The following ARL13B variants were observed in gnomAD, a reference collection of about 807,000 sequenced individuals.
ARL13B encodes the protein ARF like GTPase 13B.
Under a neutral mutation model 56.1 loss-of-function variants are expected in ARL13B, and 36 were observed. The ratio of observed to expected loss-of-function variants is 0.64; its 90% confidence interval spans 0.49 to 0.85. ARL13B has a LOEUF of 0.85. ARL13B is among the 40% of genes least tolerant of loss of function. The pLI, the probability that ARL13B is intolerant of heterozygous loss-of-function variation, is 0.00. For synonymous variants in ARL13B, 178 were observed against 171.1 expected, an observed-to-expected ratio of 1.04 and a Z score of -0.32; for missense variants, 519 against 507.1, an observed-to-expected ratio of 1.02 and a Z score of -0.23.
intron 4 of ARL13B, among the ~76,000 whole-genome samples, chr3:94,036,260 G>A (rs973238431): frequency 2.0e-5 from 3 of 152,070 alleles, no homozygotes; most frequent in African/African-American, 7.2e-5. Flanking sequence ...AATCAATAGA[G>A]ATGTCTTTTT....
In ARL13B at chr3:93,980,476, C is replaced by T; in HGVS notation, c.53C>T (p.Pro18Leu). ...CCGWFKRWRE[P>L]VRKVTLLMVG... Reference sequence around the variant, plus strand: ...GGCTGGTTCAAGCGGTGGCGGGAGCCTGTCAGGTAGGCTGGAGCCAGCTGT... The same window carrying T: ...GGCTGGTTCAAGCGGTGGCGGGAGCTTGTCAGGTAGGCTGGAGCCAGCTGT... Residue 18 changes from proline to leucine, a missense_variant, in exon 1 of 10, where the codon CCT becomes CTT. Transcript: ENST00000394222. The T allele has an allele frequency of 6.2e-7, 1 of 1,611,352 alleles. No homozygotes were observed.
intron 3 of ARL13B, among the ~76,000 whole-genome samples, chr3:94,031,621 AT>A (rs2076678108): frequency 6.6e-6 from 1 of 152,160 alleles, no homozygotes. Context: ...CATCAAATAC[AT>A]TTTTAAATCC....
intron 3 of ARL13B, among the ~76,000 whole-genome samples, chr3:94,022,204 A>G (rs559877309): frequency 6.6e-6 from 1 of 151,782 alleles, no homozygotes; most frequent in South Asian, 2.1e-4. Context: ...GTTCACTGCA[A>G]CCTCCTCCTC....
At position 94,005,840 on chromosome 3, in the gene ARL13B, G is replaced by GT. The variant is rs910023099; in HGVS notation, c.380+1938dup. 2.0e-5 allele frequency among the ~76,000 whole-genome samples: 3 copies of GT among 152,024 alleles called. No homozygotes were observed. In the East Asian group the frequency reaches 5.8e-4, roughly 29 times the overall value. ...GTAAATTTCAAAGATAGAGGGAAAG[G>GT]TTTTTTGTATATTTTTTTTGATATT... On this transcript the variant is annotated intron_variant, in intron 3 of 9. Coordinates refer to ENST00000394222, the MANE Select transcript of ARL13B (RefSeq NM_001174150.2).
intron 3 of ARL13B, among the ~76,000 whole-genome samples, chr3:94,017,032 A>T (rs756524943): frequency 6.6e-6 from 1 of 152,022 alleles, no homozygotes; most frequent in Non-Finnish European, 1.5e-5. Flanking sequence ...AACTCTGCCA[A>T]CTCTATGCTA....
rs2076831198 is a variant in ARL13B at position 94,039,797 on chromosome 3, A to AACT, written c.690-83_690-82insACT. 4 of 1,123,170 alleles carry AACT rather than the reference A, an allele frequency of 3.6e-6. No homozygotes were observed. The Admixed American group carries it at 8.1e-5, about 23-fold the overall frequency. 69.6% of individuals were successfully genotyped at this position (1,123,170 alleles called of 1,614,324 possible). ...AGATGTTTAAATTACTACATGTAAT[A>AACT]GCCTTATACCTATTGCAGTTTTCTT... On this transcript the variant is annotated intron_variant, in intron 5 of 9. Transcript: ENST00000394222.
intron 8 of ARL13B, 120 bp from the exon 9 acceptor site, chr3:94,050,704 C>G: frequency 1.2e-6 from 1 of 805,376 alleles, no homozygotes; most frequent in South Asian, 1.6e-5. Flanking sequence ...TACTGTCATT[C>G]AATATATTTG....
chr3:94,004,339 C>T (rs963638758), intron 3 of ARL13B, among the ~76,000 whole-genome samples: 7 of 152,032 alleles, frequency 4.6e-5, no homozygotes, highest in Non-Finnish European at 8.8e-5. Flanking sequence ...ATTGATTTCT[C>T]AGTTTTCACA....
chr3:93,984,442 C>T (rs139370481), intron 1 of ARL13B, among the ~76,000 whole-genome samples: 4 of 151,948 alleles, frequency 2.6e-5, no homozygotes, highest in South Asian at 4.2e-4. Context: ...CCATCCTCAT[C>T]TTCTTCCCAT....
intron 8 of ARL13B, among the ~76,000 whole-genome samples, 164 bp downstream of exon 8, chr3:94,049,686 C>A (rs1002884939): frequency 2.0e-5 from 3 of 151,522 alleles, no homozygotes; most frequent in African/African-American, 7.3e-5. Context: ...TTTGCTAACA[C>A]AAATGTCCAT....
chr3:94,030,647 A>G (rs1214019601), intron 3 of ARL13B, among the ~76,000 whole-genome samples: 3 of 152,164 alleles, frequency 2.0e-5, no homozygotes, highest in East Asian at 1.9e-4. Context: ...GCAAAACCAC[A>G]CAGAGAAGTA....
At chr3:93,980,628 G>A in intron 1 of ARL13B, 146 bp downstream of exon 1, 1 of 958,368 alleles carries the variant, frequency 1.0e-6, no homozygotes, top group Non-Finnish European at 1.6e-6. Context: ...CCGGGAGGGA[G>A]AGATTGGAGG....
intron 3 of ARL13B, chr3:94,014,755 A>G (rs1196749981): frequency 2.5e-6 from 4 of 1,613,404 alleles, no homozygotes; most frequent in Non-Finnish European, 3.4e-6. Context: ...TTTTCCAGCA[A>G]CTTCAAGCTG....
At position 94,030,287 on chromosome 3, in the gene ARL13B, C is replaced by T. The variant is rs188839466; in HGVS notation, c.381-5044C>T. Among the ~76,000 whole-genome samples, 98 of 151,978 alleles carry T rather than the reference C, an allele frequency of 6.4e-4. 3 individuals carry two copies. The East Asian group carries it at 0.016, about 24-fold the overall frequency. ...TGTCACCCAGCCTGGAGTGCAGTGG[C>T]GCGATCTCGGCTCACTGCAACCTCT... On this transcript the variant is annotated intron_variant, in intron 3 of 9. Coordinates refer to ENST00000394222, the MANE Select transcript of ARL13B (RefSeq NM_001174150.2).
Position 94,055,056 on chromosome 3 carries a change from T to C in ARL13B, c.*1793T>C, listed in dbSNP as rs991523971. 5.6e-6 allele frequency: 2 copies of C among 357,374 alleles called. No homozygotes were observed. Among genetic ancestry groups the C allele is most frequent in the Non-Finnish European group, 5.4e-6 (1 of 186,190 alleles). 22.1% of individuals were successfully genotyped at this position (357,374 alleles called of 1,614,324 possible). A position where few individuals can be genotyped will look rare whatever the true frequency, so the allele number is the denominator to read the frequency against. Reference sequence around the variant, plus strand: ...TAGTGTAGCTACTGGCTTCATTTAATAAAAATAAATGATTTTGAAATTAAA... The same window carrying C: ...TAGTGTAGCTACTGGCTTCATTTAACAAAAATAAATGATTTTGAAATTAAA... On this transcript the variant is annotated 3_prime_UTR_variant, in exon 10 of 10. Coordinates refer to ENST00000394222, the MANE Select transcript of ARL13B (RefSeq NM_001174150.2).
chr3:94,030,436 T>C (rs1312912189), intron 3 of ARL13B, among the ~76,000 whole-genome samples: 1 of 149,808 alleles, frequency 6.7e-6, no homozygotes, highest in African/African-American at 2.5e-5. Context: ...GGTTTCACCA[T>C]GTTGGCAAAG....
At chr3:94,005,042 A>AT (rs1389596662) in intron 3 of ARL13B, among the ~76,000 whole-genome samples, 1 of 152,012 alleles carries the variant, frequency 6.6e-6, no homozygotes, top group Non-Finnish European at 1.5e-5. Context: ...TAGTCATTTA[A>AT]TTTTTTTCAT....
chr3:94,044,309 C>CCCT (rs1263357725), intron 7 of ARL13B, among the ~76,000 whole-genome samples: 1 of 149,266 alleles, frequency 6.7e-6, no homozygotes, highest in African/African-American at 2.5e-5. Context: ...CCGGCCGCCC[C>CCCT]GTCTGGGAGG....
chr3:93,999,448 T>C (rs2076018905), intron 2 of ARL13B, among the ~76,000 whole-genome samples: 1 of 152,140 alleles, frequency 6.6e-6, no homozygotes, highest in African/African-American at 2.4e-5. Context: ...TTTTTATTTT[T>C]AATTTTGTGA....
Sources: allele counts gnomAD v4.1 joint callset (sites outside exome capture counted in the v4.1 genomes callset), GRCh38; gene constraint gnomAD v4.1.1; transcripts MANE v1.5; gene names NCBI Gene and HGNC (gene_info 2026-07-23, HGNC 2026-07-21).